HOMER1: variants seen among roughly 807,000 people sequenced by gnomAD.
The protein encoded by HOMER1 is homer protein homolog 1.
A neutral mutation model predicts 48.9 loss-of-function variants in HOMER1; 3 were observed. The ratio of observed to expected loss-of-function variants is 0.06; its 90% CI spans 0.03 to 0.16. The LOEUF (loss-of-function observed/expected upper bound fraction) is 0.16, where lower values mean the gene tolerates loss of function less well. Among genes scored for constraint, HOMER1 ranks in the 10% least tolerant of loss-of-function variants. The pLI, the probability that HOMER1 is intolerant of heterozygous loss-of-function variation, is 1.00. For synonymous variants in HOMER1, 134 were observed against 146.4 expected (o/e 0.92, Z 0.61); for missense variants, 247 against 411.4 (o/e 0.60, Z 3.46).
intron 5 of HOMER1, among the ~76,000 whole-genome samples, chr5:79,425,174 T>A (rs1750207685): frequency 6.6e-6 from 1 of 151,816 alleles, no homozygotes; most frequent in African/African-American, 2.4e-5. Context: ...CAAGAAATGG[T>A]GACTCCACTA....
chr5:79,491,260 C>G (rs939912725), intron 1 of HOMER1, among the ~76,000 whole-genome samples: 5 of 150,486 alleles, frequency 3.3e-5, no homozygotes, highest in African/African-American at 1.2e-4. Flanking sequence ...GACAAAACCC[C>G]ATCTCTACAA....
intron 1 of HOMER1, among the ~76,000 whole-genome samples, chr5:79,472,691 A>C (rs6896963): frequency 0.29 from 43,993 of 151,690 alleles, 6,596 homozygotes; most frequent in South Asian, 0.48. Context: ...AGGCAGGAGG[A>C]TCGCTTGAGC....
intron 4 of HOMER1, among the ~76,000 whole-genome samples, chr5:79,443,580 C>T (rs1457432964): frequency 6.6e-6 from 1 of 152,132 alleles, no homozygotes; most frequent in Non-Finnish European, 1.5e-5. Context: ...TATGTTAAGG[C>T]CTTACATCAT....
rs529197250 is a variant in HOMER1 at position 79,473,382 on chromosome 5, G to A, written c.6-16364C>T. Reference sequence around the variant, plus strand: ...TTAGTGTATTTTATGTGTGGCCCAAGACAATTCTTCCTCTTCCAATATGGC... The same window carrying A: ...TTAGTGTATTTTATGTGTGGCCCAAAACAATTCTTCCTCTTCCAATATGGC... On this transcript the variant is annotated intron_variant, in intron 1 of 8. Coordinates refer to ENST00000334082, the MANE Select transcript of HOMER1 (RefSeq NM_004272.5). Among the ~76,000 whole-genome samples, 247 of 152,208 alleles carry A rather than the reference G, an allele frequency of 1.6e-3. 1 individual carries two copies. The highest frequency in any genetic ancestry group is 2.6e-3 in the Non-Finnish European group (179 of 68,008).
At chr5:79,421,326 T>C (rs954996782) in intron 5 of HOMER1, among the ~76,000 whole-genome samples, 1 of 152,230 alleles carries the variant, frequency 6.6e-6, no homozygotes, top group Non-Finnish European at 1.5e-5. Context: ...TTAGTTATGT[T>C]ATGCTGGTTT....
intron 5 of HOMER1, among the ~76,000 whole-genome samples, chr5:79,438,051 T>TTGGA (rs1241700924): frequency 0.032 from 4,862 of 152,314 alleles, 239 homozygotes; most frequent in African/African-American, 0.11. Flanking sequence ...ACTAAGGGCA[T>TTGGA]TTAATCCAAT....
At chr5:79,448,412 T>C (rs1188406102) in intron 3 of HOMER1, among the ~76,000 whole-genome samples, 1 of 152,210 alleles carries the variant, frequency 6.6e-6, no homozygotes, top group African/African-American at 2.4e-5. Context: ...AATTTGTATA[T>C]CCTTAGTTTT....
At chr5:79,497,312 AAAAGATTAGAG>A (rs1000169948) in intron 1 of HOMER1, among the ~76,000 whole-genome samples, 15 of 152,076 alleles carry the variant, frequency 9.9e-5, no homozygotes, top group Non-Finnish European at 1.5e-4. Context: ...ATCAGGTTTA[AAAAGATTAGAG>A]ACCAGTTTCA....
chr5:79,475,462 C>A (rs1426942130), intron 1 of HOMER1, among the ~76,000 whole-genome samples: 28 of 113,976 alleles, frequency 2.5e-4, no homozygotes, highest in Non-Finnish European at 3.0e-4. Flanking sequence ...CTGCAAGAAA[C>A]CAAATCCAGG....
rs1749428514 is a variant in HOMER1, at chr5:79,397,854, A to G, written c.685-217T>C. 3 of 352,794 alleles carry G rather than the reference A, an allele frequency of 8.5e-6. No individual in the cohort carries two copies. The South Asian group carries it at 2.1e-4, about 25-fold the overall frequency. The allele number at this position is 352,794 out of a possible 1,614,324, so 21.9% of individuals were successfully genotyped here. On this transcript the variant is annotated intron_variant, in intron 6 of 8. Transcript: ENST00000334082. Reference sequence around the variant, plus strand: ...AATCATTTACATGGCTTAGTCATAGAAAGGTTAGGATAACTTAAATTAAGT... The same window carrying G: ...AATCATTTACATGGCTTAGTCATAGGAAGGTTAGGATAACTTAAATTAAGT...
chr5:79,468,705 A>T (rs978503038), intron 1 of HOMER1, among the ~76,000 whole-genome samples: 8 of 152,346 alleles, frequency 5.3e-5, no homozygotes, highest in South Asian at 2.1e-4. Flanking sequence ...TTGTGCACGC[A>T]CACAAGAGAT....
At chr5:79,498,256 G>T (rs955696737) in intron 1 of HOMER1, among the ~76,000 whole-genome samples, 1 of 152,028 alleles carries the variant, frequency 6.6e-6, no homozygotes, top group South Asian at 2.1e-4. Context: ...AAAATTAGCC[G>T]GGTGCGGTGG....
chr5:79,442,226 A>G (rs1750756470), intron 4 of HOMER1, among the ~76,000 whole-genome samples: 1 of 152,214 alleles, frequency 6.6e-6, no homozygotes, highest in Admixed American at 6.5e-5. Flanking sequence ...CAAATCTGAG[A>G]GAGTATCAAG....
chr5:79,412,061 G>A (rs1311993088), intron 5 of HOMER1, among the ~76,000 whole-genome samples: 1 of 152,248 alleles, frequency 6.6e-6, no homozygotes, highest in Non-Finnish European at 1.5e-5. Context: ...GGAGGTTGCA[G>A]TGAGTGGAGA....
intron 5 of HOMER1, among the ~76,000 whole-genome samples, chr5:79,416,495 A>G (rs1430915236): frequency 6.6e-6 from 1 of 152,196 alleles, no homozygotes; most frequent in East Asian, 1.9e-4. Context: ...TTTATTTGCT[A>G]CAATGGAGAG....
intron 1 of HOMER1, among the ~76,000 whole-genome samples, chr5:79,474,345 T>C (rs1277544862): frequency 1.3e-5 from 2 of 148,522 alleles, no homozygotes; most frequent in Non-Finnish European, 2.9e-5. Context: ...GAGCTACTGC[T>C]CCTGGCCTTT....
At chr5:79,404,792 C>A (rs1749620740) in intron 5 of HOMER1, among the ~76,000 whole-genome samples, 1 of 152,046 alleles carries the variant, frequency 6.6e-6, no homozygotes, top group Non-Finnish European at 1.5e-5. Context: ...CAACCTCCGC[C>A]TTCCAGGTTC....
intron 1 of HOMER1, among the ~76,000 whole-genome samples, chr5:79,502,668 C>A (rs181099978): frequency 2.6e-4 from 40 of 152,274 alleles, no homozygotes; most frequent in African/African-American, 9.6e-4. Context: ...ATAGCTTCTA[C>A]CACATGAATA....
chr5:79,445,074 C>A (rs1407684328), intron 4 of HOMER1, among the ~76,000 whole-genome samples: 1 of 151,898 alleles, frequency 6.6e-6, no homozygotes, highest in Non-Finnish European at 1.5e-5. Context: ...AGTAGTTTTC[C>A]AAATAGAGCT....
Sources: allele counts gnomAD v4.1 joint callset (sites outside exome capture counted in the v4.1 genomes callset), GRCh38; gene constraint gnomAD v4.1.1; transcripts MANE v1.5; gene names NCBI Gene and HGNC (gene_info 2026-07-23, HGNC 2026-07-21).